UNC5C: variants seen among roughly 807,000 people sequenced by gnomAD.
UNC5C encodes the protein unc-5 netrin receptor C, also known as netrin receptor UNC5C.
In UNC5C, 47 loss-of-function variants were observed where a neutral mutation model predicts 99.8. That is an observed-to-expected ratio of 0.47 (90% CI 0.37 to 0.60). UNC5C has a LOEUF of 0.60. Among genes scored for constraint, UNC5C ranks in the 20% least tolerant of loss-of-function variants. The pLI, the probability that UNC5C is intolerant of heterozygous loss-of-function variation, is 0.00. For missense variants in UNC5C, 1,062 were observed against 1,165.9 expected, an observed-to-expected ratio of 0.91 and a Z score of 1.30; for synonymous variants, 487 against 452.2, an observed-to-expected ratio of 1.08 and a Z score of -0.98.
At chr4:95,504,796 C>A (rs182465748) in intron 1 of UNC5C, among the ~76,000 whole-genome samples, 3 of 151,952 alleles carry the variant, frequency 2.0e-5, no homozygotes, top group African/African-American at 7.3e-5. Context: ...GTGTGCATAC[C>A]CTCATTAATA....
At chr4:95,281,988 C>T (rs1424993862) in intron 3 of UNC5C, among the ~76,000 whole-genome samples, 1 of 152,140 alleles carries the variant, frequency 6.6e-6, no homozygotes, top group Admixed American at 6.5e-5. Context: ...GCCAAATGTC[C>T]CCTAAGGGGA....
intron 1 of UNC5C, among the ~76,000 whole-genome samples, chr4:95,420,714 C>G (rs1746294835): frequency 6.6e-6 from 1 of 152,100 alleles, no homozygotes; most frequent in South Asian, 2.1e-4. Context: ...CAGGGGGCAT[C>G]TGTGGCTGAA....
At chr4:95,261,754 A>G (rs1579277334) in intron 4 of UNC5C, among the ~76,000 whole-genome samples, 1 of 148,662 alleles carries the variant, frequency 6.7e-6, no homozygotes, top group African/African-American at 2.5e-5. Context: ...CCCAGGCTGG[A>G]GTGCGGTGGC....
intron 10 of UNC5C, among the ~76,000 whole-genome samples, chr4:95,209,321 TCA>T (rs1264323964): frequency 8.5e-5 from 13 of 152,294 alleles, no homozygotes; most frequent in Admixed American, 8.5e-4. Context: ...ACTTGGTAGC[TCA>T]CAAGTAAGTT....
rs543282944 is a variant in UNC5C, at chr4:95,368,527, G to A, written c.125-32896C>T. 1.0e-3 allele frequency among the ~76,000 whole-genome samples: 156 copies of A among 152,244 alleles called. 1 individual carries two copies. Among genetic ancestry groups the A allele is most frequent in the Middle Eastern group, 0.01 (3 of 294 alleles). On this transcript the variant is annotated intron_variant, in intron 1 of 15. Coordinates refer to ENST00000453304, the MANE Select transcript of UNC5C (RefSeq NM_003728.4). The stretch of plus-strand genomic sequence containing the variant: ...ATGACAGCTAATGTATATTTATGAT[G>A]CACTTCATTAAACCCTGTGACTTTT...
rs891898265 is a variant in UNC5C, at chr4:95,166,011, C to T, written c.*3223G>A. On this transcript the variant is annotated 3_prime_UTR_variant, in exon 16 of 16. Transcript: ENST00000453304. Reference sequence around the variant, plus strand: ...TTATAAATTTGAAGTGAAAATTTCCCTACATCTGTTTGTCATAAAGGTCCT... The same window carrying T: ...TTATAAATTTGAAGTGAAAATTTCCTTACATCTGTTTGTCATAAAGGTCCT... 1.3e-5 allele frequency: 2 copies of T among 152,148 alleles called. No individual in the cohort carries two copies. The highest frequency in any genetic ancestry group is 2.4e-5 in the African/African-American group (1 of 41,446). The allele number at this position is 152,148 out of a possible 1,614,324, so 9.4% of individuals were successfully genotyped here.
At chr4:95,546,032 A>G (rs1271370589) in intron 1 of UNC5C, among the ~76,000 whole-genome samples, 1 of 152,214 alleles carries the variant, frequency 6.6e-6, no homozygotes, top group East Asian at 1.9e-4. Flanking sequence ...TTTATCTTAA[A>G]TATCTGTTGT....
chr4:95,415,521 T>C (rs1746137652), intron 1 of UNC5C, among the ~76,000 whole-genome samples: 1 of 152,162 alleles, frequency 6.6e-6, no homozygotes, highest in African/African-American at 2.4e-5. Context: ...AATCATTTAA[T>C]GATTGAGTTG....
At chr4:95,190,058 A>G (rs1455904593) in intron 12 of UNC5C, among the ~76,000 whole-genome samples, 1 of 152,218 alleles carries the variant, frequency 6.6e-6, no homozygotes, top group African/African-American at 2.4e-5. Context: ...TTATTGCGGC[A>G]CTATTCACAA....
chr4:95,267,992 C>T (rs915429399), intron 4 of UNC5C, among the ~76,000 whole-genome samples: 10 of 126,842 alleles, frequency 7.9e-5, no homozygotes, highest in Non-Finnish European at 1.6e-4. Context: ...CTCTGTAACC[C>T]AGGCTGGAGT....
At chr4:95,501,015 G>A (rs73842305) in intron 1 of UNC5C, among the ~76,000 whole-genome samples, 1,955 of 152,156 alleles carry the variant, frequency 0.013, 43 homozygotes, top group African/African-American at 0.045. Context: ...ACTACTCCCT[G>A]TGTGTTAATA....
At chr4:95,351,179 C>T (rs1743974520) in intron 1 of UNC5C, among the ~76,000 whole-genome samples, 1 of 152,078 alleles carries the variant, frequency 6.6e-6, no homozygotes, top group South Asian at 2.1e-4. Flanking sequence ...CCTTGCTAAC[C>T]TCTCCCTTTG....
At chr4:95,361,125 G>A (rs905726611) in intron 1 of UNC5C, among the ~76,000 whole-genome samples, 1 of 152,160 alleles carries the variant, frequency 6.6e-6, no homozygotes, top group Non-Finnish European at 1.5e-5. Context: ...GGATAAGACA[G>A]CACGGATCAC....
chr4:95,530,715 C>T (rs554822157), intron 1 of UNC5C, among the ~76,000 whole-genome samples: 5 of 152,182 alleles, frequency 3.3e-5, no homozygotes, highest in South Asian at 2.1e-4. Flanking sequence ...AAGTTTCTAT[C>T]GAAGATACAG....
At chr4:95,217,233 G>A (rs1349322390) in intron 9 of UNC5C, among the ~76,000 whole-genome samples, 5 of 152,192 alleles carry the variant, frequency 3.3e-5, no homozygotes, top group South Asian at 2.1e-4. Context: ...CCAAATGAGC[G>A]TGGGGCAATA....
intron 1 of UNC5C, among the ~76,000 whole-genome samples, chr4:95,546,614 A>G (rs957104061): frequency 6.6e-6 from 1 of 152,230 alleles, no homozygotes; most frequent in African/African-American, 2.4e-5. Flanking sequence ...AGTGAAATGC[A>G]TACACCCAAC....
chr4:95,321,718 G>T (rs1313709716), intron 2 of UNC5C, among the ~76,000 whole-genome samples: 1 of 152,118 alleles, frequency 6.6e-6, no homozygotes, highest in South Asian at 2.1e-4. Context: ...TTATTGCACA[G>T]ATATGGCCTA....
chr4:95,204,258 A>G (rs986375578), intron 11 of UNC5C, among the ~76,000 whole-genome samples: 10 of 152,376 alleles, frequency 6.6e-5, no homozygotes, highest in Admixed American at 5.9e-4. Flanking sequence ...TACTAATTCA[A>G]CCAAGTTTTG....
chr4:95,257,163 G>C (rs1267873000), intron 4 of UNC5C, among the ~76,000 whole-genome samples: 3 of 152,044 alleles, frequency 2.0e-5, no homozygotes, highest in Non-Finnish European at 4.4e-5. Context: ...CCCTCCTAAT[G>C]GCTCCTTCTC....
Sources: gnomAD v4.1 joint callset for allele counts (sites outside exome capture counted in the v4.1 genomes callset) on GRCh38, gnomAD v4.1.1 for gene constraint, MANE v1.5 for transcripts, NCBI Gene and HGNC (gene_info 2026-07-23, HGNC 2026-07-21) for gene names.